The following CIMIP6 variants were observed in gnomAD, a reference collection of about 807,000 sequenced individuals.
CIMIP6 encodes the protein uncharacterized protein C2orf73.
At chr2:54,379,398 C>G in the CIMIP6 span, among the ~76,000 whole-genome samples, 733 of 152,342 alleles carry the variant, frequency 4.8e-3, 9 homozygotes, top group African/African-American at 0.016. Flanking sequence ...ATTAGATCAC[C>G]TCATCAGATC....
chr2:54,361,852 T>C, the CIMIP6 span, among the ~76,000 whole-genome samples: 2 of 152,192 alleles, frequency 1.3e-5, no homozygotes, highest in Non-Finnish European at 2.9e-5. Flanking sequence ...TTTATCCTCA[T>C]TGGAACAGGG....
chr2:54,335,032 A>T, the CIMIP6 span: 4 of 1,578,202 alleles, frequency 2.5e-6, no homozygotes, highest in Non-Finnish European at 3.4e-6. Flanking sequence ...CAGGTTGGAC[A>T]GATGTTCATT....
At chr2:54,354,773 T>C in the CIMIP6 span, among the ~76,000 whole-genome samples, 2 of 151,516 alleles carry the variant, frequency 1.3e-5, no homozygotes, top group Non-Finnish European at 2.9e-5. Flanking sequence ...CTACAATTAC[T>C]TTTTTTTTCC....
At chr2:54,350,700 A>T in the CIMIP6 span, among the ~76,000 whole-genome samples, 1 of 152,236 alleles carries the variant, frequency 6.6e-6, no homozygotes, top group Admixed American at 6.5e-5. Flanking sequence ...GGGGCCACCA[A>T]TTTAACAGAC....
chr2:54,353,200 C>A, the CIMIP6 span, among the ~76,000 whole-genome samples: 1 of 152,168 alleles, frequency 6.6e-6, no homozygotes, highest in African/African-American at 2.4e-5. Context: ...ATAGCATATA[C>A]ATTTCCAGTT....
chr2:54,351,707 C>T, the CIMIP6 span, among the ~76,000 whole-genome samples: 1 of 152,124 alleles, frequency 6.6e-6, no homozygotes, highest in African/African-American at 2.4e-5. Context: ...ATCTGTACAA[C>T]AAACCCCCAT....
At chr2:54,358,948 CT>C in the CIMIP6 span, 120 of 1,424,058 alleles carry the variant, frequency 8.4e-5, no homozygotes, top group Admixed American at 1.7e-4. Context: ...TTCACAAAAT[CT>C]TTTTTTTAGT....
At chr2:54,381,980 T>C in the CIMIP6 span, 1 of 1,545,048 alleles carries the variant, frequency 6.5e-7, no homozygotes, top group Non-Finnish European at 8.7e-7. Flanking sequence ...TTGAAATACA[T>C]TCACAGTAAG....
At chr2:54,365,278 C>G in the CIMIP6 span, among the ~76,000 whole-genome samples, 1 of 152,094 alleles carries the variant, frequency 6.6e-6, no homozygotes, top group Admixed American at 6.6e-5. Flanking sequence ...AACAGAAATA[C>G]TGGTTTGAAC....
the CIMIP6 span, among the ~76,000 whole-genome samples, chr2:54,331,919 C>T: frequency 4.6e-5 from 7 of 152,214 alleles, no homozygotes; most frequent in Admixed American, 6.5e-5. Context: ...GGTTAAAACA[C>T]GTTCCTGGGA....
chr2:54,345,821 A>G, the CIMIP6 span, among the ~76,000 whole-genome samples: 2 of 152,234 alleles, frequency 1.3e-5, no homozygotes, highest in Admixed American at 6.5e-5. Context: ...CCTACATATC[A>G]TTACAAAATT....
At chr2:54,355,188 A>G in the CIMIP6 span, among the ~76,000 whole-genome samples, 1 of 152,164 alleles carries the variant, frequency 6.6e-6, no homozygotes, top group East Asian at 1.9e-4. Context: ...CAATGTTGCT[A>G]TTGAGAAATT....
At chr2:54,368,737 T>C in the CIMIP6 span, among the ~76,000 whole-genome samples, 1 of 152,108 alleles carries the variant, frequency 6.6e-6, no homozygotes, top group Non-Finnish European at 1.5e-5. Context: ...CAATAAAAAC[T>C]CTGGACACCA....
At chr2:54,335,853 C>T in the CIMIP6 span, among the ~76,000 whole-genome samples, 2 of 152,146 alleles carry the variant, frequency 1.3e-5, no homozygotes, top group Non-Finnish European at 2.9e-5. Flanking sequence ...CTAGAGACTG[C>T]CCATGTTCCT....
chr2:54,338,317 C>T, the CIMIP6 span, among the ~76,000 whole-genome samples: 1 of 152,072 alleles, frequency 6.6e-6, no homozygotes, highest in Admixed American at 6.6e-5. Flanking sequence ...CCTCCGTAGT[C>T]CCAGCTACTT....
chr2:54,360,624 T>C, the CIMIP6 span: 66 of 1,409,484 alleles, frequency 4.7e-5, no homozygotes, highest in African/African-American at 7.7e-4. Context: ...AATCATCATC[T>C]TGGCCCTCAC....
the CIMIP6 span, among the ~76,000 whole-genome samples, chr2:54,372,558 A>G: frequency 6.6e-6 from 1 of 152,202 alleles, no homozygotes; most frequent in African/African-American, 2.4e-5. Flanking sequence ...AAGAGGTCAT[A>G]AAAGTCCACC....
At chr2:54,360,223 G>T in the CIMIP6 span, 1 of 1,596,942 alleles carries the variant, frequency 6.3e-7, no homozygotes, top group Non-Finnish European at 8.5e-7. Context: ...CTTTTGTACA[G>T]AGAGAGATAA....
chr2:54,370,111 C>A, the CIMIP6 span, among the ~76,000 whole-genome samples: 1 of 151,966 alleles, frequency 6.6e-6, no homozygotes, highest in African/African-American at 2.4e-5. Flanking sequence ...AAAAATTAGC[C>A]AGTTGTGGTG....
Sources: allele counts gnomAD v4.1 joint callset (sites outside exome capture counted in the v4.1 genomes callset), GRCh38; gene constraint gnomAD v4.1.1; transcripts MANE v1.5; gene names NCBI Gene and HGNC (gene_info 2026-07-23, HGNC 2026-07-21).